CSNK1A1: variants seen among roughly 807,000 people sequenced by gnomAD.
The protein encoded by CSNK1A1 is casein kinase 1 alpha 1, also known as casein kinase I isoform alpha.
Under a neutral mutation model 46.1 loss-of-function variants are expected in CSNK1A1, and 7 were observed. That is an observed-to-expected ratio of 0.15 (90% confidence interval 0.09 to 0.29). CSNK1A1 has a LOEUF of 0.29. CSNK1A1 is among the 10% of genes least tolerant of loss of function. The pLI is 1.00. For synonymous variants in CSNK1A1, 137 were observed against 141.5 expected (o/e 0.97, Z 0.23); for missense variants, 96 against 417.1 (o/e 0.23, Z 6.71).
chr5:149,502,935 A>G (rs1449925244), intron 9 of CSNK1A1: 1 of 628,438 alleles, frequency 1.6e-6, no homozygotes, highest in African/African-American at 2.0e-5. Flanking sequence ...CACCTGGCTA[A>G]TTTTTGTATT....
rs1561763172 is a variant in CSNK1A1, at chr5:149,525,388, TATATAG to T, written c.231-223_231-218del. On this transcript the variant is annotated intron_variant, in intron 2 of 9. Transcript: ENST00000377843. This position sits in a 1 kb window ranked among gnomAD's most constrained non-coding sequence, Gnocchi z 4.2. ...TCCCTGTCATGCAACTCCATTCTCC[TATATAG>T]ATAGGACATGCATAGTAGCCTTAAC... Among the ~76,000 whole-genome samples, 1 of 152,088 alleles carries T rather than the reference TATATAG, an allele frequency of 6.6e-6. No homozygotes were observed. The highest frequency in any genetic ancestry group is 2.4e-5 in the African/African-American group (1 of 41,410).
chr5:149,510,080 A>C (rs1475475756), intron 6 of CSNK1A1, 127 bp from the exon 7 acceptor site: 9 of 623,364 alleles, frequency 1.4e-5, no homozygotes, highest in Non-Finnish European at 1.5e-5. Context: ...CAGAATTTAA[A>C]AAATCAAAGT....
At chr5:149,523,098 T>A (rs536767900) in intron 3 of CSNK1A1, among the ~76,000 whole-genome samples, 1 of 151,020 alleles carries the variant, frequency 6.6e-6, no homozygotes, top group East Asian at 2.0e-4. Flanking sequence ...TGGAGTGCAG[T>A]GGTGCGATCT....
At chr5:149,516,587 T>C (rs993728398) in intron 4 of CSNK1A1, among the ~76,000 whole-genome samples, 2 of 152,036 alleles carry the variant, frequency 1.3e-5, no homozygotes, top group Non-Finnish European at 2.9e-5. Flanking sequence ...AACAATGTAA[T>C]ACAACTTTCT....
intron 2 of CSNK1A1, chr5:149,545,623 A>G: frequency 1.1e-6 from 1 of 873,460 alleles, no homozygotes; most frequent in South Asian, 1.3e-5. Context: ...GGGCTTTACG[A>G]GGGCCCTGCT....
Position 149,495,292 on chromosome 5 carries a change from G to C in CSNK1A1, c.*1561C>G, listed in dbSNP as rs1264014741. On this transcript the variant is annotated 3_prime_UTR_variant, in exon 10 of 10. Transcript: ENST00000377843. Reference sequence around the variant, plus strand: ...ACACGTGTCAATTTACAATTTCAAGGTTATTTTACAAAATACCTACATTTA... The same window carrying C: ...ACACGTGTCAATTTACAATTTCAAGCTTATTTTACAAAATACCTACATTTA... 6.6e-6 allele frequency: 1 copy of C among 152,044 alleles called. No individual in the cohort carries two copies. Among genetic ancestry groups the C allele is most frequent in the Non-Finnish European group, 1.5e-5 (1 of 67,994 alleles). The allele number at this position is 152,044 out of a possible 1,614,324, so 9.4% of individuals were successfully genotyped here.
intron 2 of CSNK1A1, among the ~76,000 whole-genome samples, chr5:149,528,046 A>G (rs1761774680): frequency 6.6e-6 from 1 of 152,230 alleles, no homozygotes; most frequent in African/African-American, 2.4e-5. Context: ...ATGATTTCAT[A>G]AAGAAATCAT....
intron 2 of CSNK1A1, among the ~76,000 whole-genome samples, chr5:149,534,029 C>T (rs1210762839): frequency 6.6e-6 from 1 of 152,140 alleles, no homozygotes; most frequent in Non-Finnish European, 1.5e-5. Flanking sequence ...CAACTTTGTA[C>T]ATATACTAAG....
chr5:149,515,841 CAAAT>C (rs1469325506), intron 4 of CSNK1A1, among the ~76,000 whole-genome samples: 1 of 152,178 alleles, frequency 6.6e-6, no homozygotes, highest in Non-Finnish European at 1.5e-5. Context: ...AAGTCAGTAT[CAAAT>C]AAGCGTAAGA....
At position 149,496,688 on chromosome 5, in the gene CSNK1A1, A is replaced by G; in HGVS notation, c.*165T>C. On this transcript the variant is annotated 3_prime_UTR_variant, in exon 10 of 10. Transcript: ENST00000377843. ...TACAACTCAGGATACAGCATCACCA[A>G]TGCTGCCCAGAGTCAGTTTATACTG... 2 of 842,742 alleles carry G rather than the reference A, an allele frequency of 2.4e-6. No homozygotes were observed. The highest frequency in any genetic ancestry group is 3.5e-6 in the Non-Finnish European group (2 of 573,476). The allele number at this position is 842,742 out of a possible 1,614,324, so 52.2% of individuals were successfully genotyped here. A position where few individuals can be genotyped will look rare whatever the true frequency, so the allele number is the denominator to read the frequency against.
At position 149,504,460 on chromosome 5, in the gene CSNK1A1, C is replaced by G. The variant is rs1760965150; in HGVS notation, c.1006+987G>C. ...TATTCAGAAATTTAAAAATTAGAAACCAAGAGCCAAATCTTACTTGCCCAC... is the reference window on the plus strand; with the variant it reads ...TATTCAGAAATTTAAAAATTAGAAAGCAAGAGCCAAATCTTACTTGCCCAC... On this transcript the variant is annotated intron_variant, in intron 9 of 9. Coordinates refer to ENST00000377843, the MANE Select transcript of CSNK1A1 (RefSeq NM_001892.6). 7.1e-6 allele frequency: 7 copies of G among 985,222 alleles called. 1 individual carries two copies. The South Asian group carries it at 1.4e-4, about 20-fold the overall frequency. 61.0% of individuals were successfully genotyped at this position (985,222 alleles called of 1,614,324 possible).
intron 9 of CSNK1A1, chr5:149,499,136 T>C (rs1760744798): frequency 1.0e-6 from 1 of 985,322 alleles, no homozygotes; most frequent in Non-Finnish European, 1.2e-6. Context: ...ATTCAACAGG[T>C]ATTCAACAGT....
In CSNK1A1 at chr5:149,496,607, T is replaced by C. The variant is rs1035082053; in HGVS notation, c.*246A>G. 17 of 435,458 alleles carry C rather than the reference T, an allele frequency of 3.9e-5. No homozygotes were observed. Among genetic ancestry groups the C allele is most frequent in the Non-Finnish European group, 6.3e-5 (16 of 253,124 alleles). 27.0% of individuals were successfully genotyped at this position (435,458 alleles called of 1,614,324 possible). On this transcript the variant is annotated 3_prime_UTR_variant, in exon 10 of 10. Transcript: ENST00000377843. Reference sequence around the variant, plus strand: ...AACTTTTCCACTTGAAAAAATGCAATAGAAAACCGGACACCATGTTTCACT... The same window carrying C: ...AACTTTTCCACTTGAAAAAATGCAACAGAAAACCGGACACCATGTTTCACT...
At position 149,542,697 on chromosome 5, in the gene CSNK1A1, T is replaced by A. The variant is rs1185179292; in HGVS notation, c.230+7378A>T. Among the ~76,000 whole-genome samples the A allele has an allele frequency of 5.3e-4, 33 of 62,684 alleles. 1 individual carries two copies. The highest frequency in any genetic ancestry group is 8.7e-4 in the East Asian group (2 of 2,306). The allele number at this position is 62,684 out of a possible 152,430, so 41.1% of individuals were successfully genotyped here. A position where few individuals can be genotyped will look rare whatever the true frequency, so the allele number is the denominator to read the frequency against. On this transcript the variant is annotated intron_variant, in intron 2 of 9. Coordinates refer to ENST00000377843, the MANE Select transcript of CSNK1A1 (RefSeq NM_001892.6). ...GTATATATATATATATATATATTTTTTTTTTTTTTTTTTTTTGAGACAGAG... is the reference window on the plus strand; with the variant it reads ...GTATATATATATATATATATATTTTATTTTTTTTTTTTTTTTGAGACAGAG...
At chr5:149,503,578 A>G in intron 9 of CSNK1A1, 2 of 984,852 alleles carry the variant, frequency 2.0e-6, no homozygotes, top group Non-Finnish European at 2.4e-6. Flanking sequence ...AATTTTTAAA[A>G]GATTTTAAGT....
Position 149,507,150 on chromosome 5 carries a change from TAAAACAAAGTTA to T in CSNK1A1, c.751-29_751-18del, listed in dbSNP as rs775564113. On this transcript the variant is annotated intron_variant, in intron 7 of 9. Coordinates refer to ENST00000377843, the MANE Select transcript of CSNK1A1 (RefSeq NM_001892.6). ...AGGAAACCCCTATAGGTTCAAGGGT[TAAAACAAAGTTA>T]AAAACAAACATTTCAAGATAGAAAA... The T allele has an allele frequency of 6.5e-7, 1 of 1,544,824 alleles. No homozygotes were observed. Among genetic ancestry groups the T allele is most frequent in the East Asian group, 2.3e-5 (1 of 44,148 alleles).
At chr5:149,510,104 A>G (rs1256629548) in intron 6 of CSNK1A1, among the ~76,000 whole-genome samples, 151 bp from the exon 7 acceptor site, 1 of 152,242 alleles carries the variant, frequency 6.6e-6, no homozygotes, top group Non-Finnish European at 1.5e-5. Context: ...ATACATCTAA[A>G]AAAAATTTTT....
chr5:149,523,198 G>T (rs1394929602), intron 3 of CSNK1A1, among the ~76,000 whole-genome samples: 3 of 151,908 alleles, frequency 2.0e-5, no homozygotes, highest in Non-Finnish European at 4.4e-5. Context: ...CAGCCACCAC[G>T]CCTGGCTAAT....
Position 149,494,144 on chromosome 5 carries a change from A to G in CSNK1A1, c.*2709T>C, listed in dbSNP as rs1330187109. ...GTTTGATTATTTTTATTATAATGAA[A>G]TTAAACTTATGACTATTACAGTATG... is the stretch of plus-strand genomic sequence containing the variant. On this transcript the variant is annotated 3_prime_UTR_variant, in exon 10 of 10. Coordinates refer to ENST00000377843, the MANE Select transcript of CSNK1A1 (RefSeq NM_001892.6). 1 of 152,226 alleles carries G rather than the reference A, an allele frequency of 6.6e-6. No individual in the cohort carries two copies. Among genetic ancestry groups the G allele is most frequent in the Non-Finnish European group, 1.5e-5 (1 of 68,038 alleles). The allele number at this position is 152,226 out of a possible 1,614,324, so 9.4% of individuals were successfully genotyped here.
Sources: allele counts gnomAD v4.1 joint callset (sites outside exome capture counted in the v4.1 genomes callset), GRCh38; gene constraint gnomAD v4.1.1; non-coding constraint Gnocchi (gnomAD v3.1); transcripts MANE v1.5; gene names NCBI Gene and HGNC (gene_info 2026-07-23, HGNC 2026-07-21).